SPTBN1: variants seen among roughly 807,000 people sequenced by gnomAD.
SPTBN1 encodes the protein spectrin beta, non-erythrocytic 1.
A neutral mutation model predicts 266.4 loss-of-function variants in SPTBN1; 32 were observed. The observed-to-expected ratio is 0.12, with a 90% CI of 0.09 to 0.16. The LOEUF (loss-of-function observed/expected upper bound fraction) is 0.16. SPTBN1 is among the 10% of genes least tolerant of loss of function. SPTBN1 has a pLI of 1.00. For synonymous variants in SPTBN1, 1,336 were observed against 1,162.2 expected, an observed-to-expected ratio of 1.15 and a Z score of -3.04; for missense variants, 2,296 against 3,067.1, an observed-to-expected ratio of 0.75 and a Z score of 5.94.
At chr2:54,612,570 G>A (rs1479152117) in intron 4 of SPTBN1, among the ~76,000 whole-genome samples, 3 of 152,186 alleles carry the variant, frequency 2.0e-5, no homozygotes, top group African/African-American at 7.2e-5. Flanking sequence ...TTTCCTGTCA[G>A]ACACATCTCA....
intron 1 of SPTBN1, among the ~76,000 whole-genome samples, chr2:54,486,155 GC>G (rs1668370653): frequency 7.3e-6 from 1 of 136,842 alleles, no homozygotes; most frequent in Non-Finnish European, 1.6e-5. Flanking sequence ...GGGCGCCTCT[GC>G]CCGGCCGCCC....
chr2:54,643,589 G>T (rs941424684), intron 19 of SPTBN1, among the ~76,000 whole-genome samples: 2 of 152,230 alleles, frequency 1.3e-5, no homozygotes, highest in African/African-American at 4.8e-5. Context: ...TGCACAGAGA[G>T]ATTCTGGGCA....
chr2:54,669,422 A>G lies in SPTBN1; in HGVS notation c.*853A>G, dbSNP rs940342830. On this transcript the variant is annotated 3_prime_UTR_variant, in exon 36 of 36. Transcript: ENST00000356805. The stretch of plus-strand genomic sequence containing the variant: ...TGGTTACTTGCTCGTGCGTTGCCAC[A>G]CTGTGTTATAATTTGCTTCATTTCC... 6.6e-6 allele frequency: 1 copy of G among 152,650 alleles called. No homozygotes were observed. The highest frequency in any genetic ancestry group is 2.4e-5 in the African/African-American group (1 of 41,460). 9.5% of individuals were successfully genotyped at this position (152,650 alleles called of 1,614,324 possible).
chr2:54,661,954 A>G (rs1681075969), intron 32 of SPTBN1: 5 of 985,314 alleles, frequency 5.1e-6, no homozygotes, highest in Non-Finnish European at 4.8e-6. Flanking sequence ...CTTGTATGAG[A>G]AGAAAAAGTA....
At chr2:54,597,871 T>G in intron 2 of SPTBN1, among the ~76,000 whole-genome samples, 1 of 72,766 alleles carries the variant, frequency 1.4e-5, no homozygotes, top group South Asian at 3.3e-4. Context: ...ATCTGCTTTT[T>G]TTTTTTTTTT....
At chr2:54,483,581 G>A (rs996715184) in intron 1 of SPTBN1, among the ~76,000 whole-genome samples, 1 of 152,088 alleles carries the variant, frequency 6.6e-6, no homozygotes, top group African/African-American at 2.4e-5. Context: ...CCTGCATTTC[G>A]CTGGACATTA....
In SPTBN1 at chr2:54,629,501, G is replaced by C. The variant is rs557898766; in HGVS notation, c.2367G>C (p.Val789=). 42 of 1,614,022 alleles carry C rather than the reference G, an allele frequency of 2.6e-5. No homozygotes were observed. The highest frequency in any genetic ancestry group is 3.3e-5 in the Admixed American group (2 of 60,014). ...CTCTGGTCAAGAAACACAAGGACGTGGCGGAAGAGATCGCCAATTACAGGC... is the reference window on the plus strand; with the variant it reads ...CTCTGGTCAAGAAACACAAGGACGTCGCGGAAGAGATCGCCAATTACAGGC... ...TQSLVKKHKD[V]AEEIANYRPT... is the part of the protein sequence containing the mutation. The change falls in exon 14 of 36, where the codon GTG becomes GTC. Residue 789 remains valine (V), a synonymous_variant. Transcript: ENST00000356805.
intron 2 of SPTBN1, among the ~76,000 whole-genome samples, chr2:54,581,577 C>CTTTTTTTTTTTTTTTTTTTTTTTTTT (rs70944181): frequency 6.8e-5 from 7 of 102,678 alleles, no homozygotes; most frequent in Admixed American, 2.2e-4. Flanking sequence ...TTTCTTTGCC[C>CTTTTTTTTTTTTTTTTTTTTTTTTTT]TTTTTTTTTT....
In SPTBN1 at chr2:54,616,312, A is replaced by AAG; in HGVS notation, c.566+17_566+18dup. 6.2e-7 allele frequency: 1 copy of AAG among 1,612,026 alleles called. No homozygotes were observed. Among genetic ancestry groups the AAG allele is most frequent in the Non-Finnish European group, 8.5e-7 (1 of 1,178,412 alleles). On this transcript the variant is annotated intron_variant, in intron 5 of 35. Transcript: ENST00000356805. ...GAAGACAGCTGGGTGAGTGTGAATG[A>AAG]AGAGGGTATTGGGGCTGCTTCTTCC...
At chr2:54,560,288 G>C (rs1215812996) in intron 2 of SPTBN1, among the ~76,000 whole-genome samples, 3 of 152,018 alleles carry the variant, frequency 2.0e-5, no homozygotes, top group Non-Finnish European at 4.4e-5. Context: ...CGGACTCCCA[G>C]CTTCATTGTG....
chr2:54,483,945 A>G (rs1276044878), intron 1 of SPTBN1, among the ~76,000 whole-genome samples: 1 of 152,012 alleles, frequency 6.6e-6, no homozygotes, highest in Non-Finnish European at 1.5e-5. Flanking sequence ...CTGTAATTCT[A>G]GCACTTTGGG....
At chr2:54,519,162 C>A (rs1278053979) in intron 1 of SPTBN1, among the ~76,000 whole-genome samples, 1 of 152,176 alleles carries the variant, frequency 6.6e-6, no homozygotes, top group Non-Finnish European at 1.5e-5. Flanking sequence ...CCTCCCAGTC[C>A]TCCCTCTGCC....
intron 2 of SPTBN1, among the ~76,000 whole-genome samples, chr2:54,566,406 T>A (rs1673666719): frequency 1.3e-5 from 2 of 152,118 alleles, no homozygotes; most frequent in South Asian, 4.1e-4. Flanking sequence ...CAGGCTGATC[T>A]CCAACTCCTG....
At chr2:54,630,572 T>C (rs567382606) in intron 15 of SPTBN1, among the ~76,000 whole-genome samples, 21 of 152,332 alleles carry the variant, frequency 1.4e-4, no homozygotes, top group African/African-American at 5.1e-4. Context: ...CAGACATGAA[T>C]TAATTGACTC....
At chr2:54,517,961 T>A (rs1177305446) in intron 1 of SPTBN1, among the ~76,000 whole-genome samples, 1 of 132,614 alleles carries the variant, frequency 7.5e-6, no homozygotes, top group Non-Finnish European at 1.6e-5. Context: ...TTTTTTTTTT[T>A]AAACAGTGGA....
intron 16 of SPTBN1, among the ~76,000 whole-genome samples, chr2:54,632,030 T>G (rs1678766831): frequency 6.7e-6 from 1 of 149,200 alleles, no homozygotes. Context: ...TTAGCCGTGA[T>G]CGTGCCACTG....
chr2:54,581,111 AAAT>A (rs1056129265), intron 2 of SPTBN1, among the ~76,000 whole-genome samples: 1 of 152,022 alleles, frequency 6.6e-6, no homozygotes, highest in African/African-American at 2.4e-5. Flanking sequence ...AAAAAAGAAA[AAAT>A]ATATAAATAT....
chr2:54,476,811 C>T (rs1195036875), intron 1 of SPTBN1, among the ~76,000 whole-genome samples: 1 of 152,156 alleles, frequency 6.6e-6, no homozygotes, highest in African/African-American at 2.4e-5. Context: ...TTTTCTATTG[C>T]AAATCAAATT....
rs775692384 is a variant in SPTBN1 at position 54,659,955 on chromosome 2, C to G, written c.6376C>G (p.Gln2126Glu). The change falls in exon 32 of 36, where the codon CAA becomes GAA. Residue 2126 changes from glutamine to glutamate, a missense_variant. Coordinates refer to ENST00000356805, the MANE Select transcript of SPTBN1 (RefSeq NM_003128.3). ...QQQWDTSKGE[Q>E]VSQNGLPAEQ... ...TAACAGGGATACTTCAAAAGGAGAA[C>G]AAGTTTCCCAAAACGGTTTGCCAGC... 1 of 1,614,036 alleles carries G rather than the reference C, an allele frequency of 6.2e-7. No homozygotes were observed. The highest frequency in any genetic ancestry group is 8.5e-7 in the Non-Finnish European group (1 of 1,180,038).
Sources: allele counts gnomAD v4.1 joint callset (sites outside exome capture counted in the v4.1 genomes callset), GRCh38; gene constraint gnomAD v4.1.1; transcripts MANE v1.5; gene names NCBI Gene and HGNC (gene_info 2026-07-23, HGNC 2026-07-21).